RNF157: variants seen among roughly 807,000 people sequenced by gnomAD.
RNF157 encodes the protein ring finger protein 157.
In RNF157, 55 loss-of-function variants were observed where a neutral mutation model predicts 88.3. That is an observed-to-expected ratio of 0.62 (90% CI 0.50 to 0.78). The LOEUF is 0.78. Among genes scored for constraint, RNF157 ranks in the 30% least tolerant of loss-of-function variants. RNF157 has a pLI of 0.00. For missense variants in RNF157, 788 were observed against 860.8 expected (o/e 0.92, Z 1.06); for synonymous variants, 334 against 341.2 (o/e 0.98, Z 0.23).
intron 2 of RNF157, among the ~76,000 whole-genome samples, chr17:76,210,096 A>C (rs1366703882): frequency 1.3e-5 from 2 of 152,172 alleles, no homozygotes; most frequent in Non-Finnish European, 2.9e-5. Context: ...ACTCCCTGTG[A>C]GTGAGGCAAC....
Position 76,213,641 on chromosome 17 carries a change from G to A in RNF157, c.89-1159C>T, listed in dbSNP as rs1164343169. On this transcript the variant is annotated intron_variant, in intron 1 of 18. Coordinates refer to ENST00000269391, the MANE Select transcript of RNF157 (RefSeq NM_052916.3). ...TTTTTTTGTCTTTACATATGCTAAT[G>A]AATTAACCACTGCCTGGCAGCCCCT... is the stretch of plus-strand genomic sequence containing the variant. Among the ~76,000 whole-genome samples the A allele has an allele frequency of 2.0e-5, 3 of 150,470 alleles. No homozygotes were observed. In the South Asian group the frequency reaches 6.3e-4, roughly 31 times the overall value.
intron 1 of RNF157, among the ~76,000 whole-genome samples, chr17:76,219,144 G>A (rs910599919): frequency 3.3e-5 from 5 of 151,832 alleles, no homozygotes; most frequent in African/African-American, 4.8e-5. Context: ...ATTATTCACA[G>A]TAGGAAACTA....
intron 2 of RNF157, among the ~76,000 whole-genome samples, chr17:76,181,014 T>A (rs981904649): frequency 6.6e-6 from 1 of 151,954 alleles, no homozygotes; most frequent in African/African-American, 2.4e-5. Context: ...TTAAACAAAC[T>A]GACATTCTAC....
chr17:76,166,054 A>C (rs1446014494), intron 6 of RNF157, among the ~76,000 whole-genome samples: 2 of 151,406 alleles, frequency 1.3e-5, no homozygotes, highest in Non-Finnish European at 2.9e-5. Flanking sequence ...GGCTCACTGC[A>C]ACCTCCGCCT....
chr17:76,225,852 C>G (rs2070073563), intron 1 of RNF157: 3 of 1,612,750 alleles, frequency 1.9e-6, no homozygotes, highest in Non-Finnish European at 1.7e-6. Flanking sequence ...TCTTTTAGAG[C>G]CTCGTTCTTC....
chr17:76,159,394 A>G lies in RNF157; in HGVS notation c.1245T>C (p.Pro415=). ...TGCTGCTGTCAGACAGGCGGTCAAGAGGCGAGATCGTCCTGACGGGGGGCA... is the reference window on the plus strand; with the variant it reads ...TGCTGCTGTCAGACAGGCGGTCAAGGGGCGAGATCGTCCTGACGGGGGGCA... ...GHLPPVRTIS[P]LDRLSDSSSQ... Residue 415 remains proline, a synonymous_variant, in exon 12 of 19, where the codon CCT becomes CCC. Transcript: ENST00000269391. 6.2e-7 allele frequency: 1 copy of G among 1,613,404 alleles called. No homozygotes were observed. The highest frequency in any genetic ancestry group is 1.7e-5 in the Admixed American group (1 of 59,876).
At chr17:76,166,588 C>T in intron 5 of RNF157, 61 bp from the exon 6 acceptor site, 1 of 1,338,928 alleles carries the variant, frequency 7.5e-7, no homozygotes, top group South Asian at 1.2e-5. Flanking sequence ...CATGGCACAG[C>T]TAATCTCAGA....
intron 2 of RNF157, among the ~76,000 whole-genome samples, chr17:76,203,108 A>C (rs2144988734): frequency 6.6e-6 from 1 of 152,104 alleles, no homozygotes; most frequent in East Asian, 1.9e-4. Context: ...CTTATGCCTC[A>C]GCCTCCCAAG....
chr17:76,236,868 G>C (rs1219948429), intron 1 of RNF157, among the ~76,000 whole-genome samples: 4 of 151,500 alleles, frequency 2.6e-5, no homozygotes, highest in African/African-American at 9.8e-5. Flanking sequence ...AACAGAGCAA[G>C]GTGTAGAACA....
chr17:76,152,554 CA>C (rs201297855), intron 17 of RNF157, 89 bp from the exon 18 acceptor site: 17 of 735,340 alleles, frequency 2.3e-5, no homozygotes, highest in South Asian at 3.2e-5. Context: ...AGGATGGAGA[CA>C]AAAAAAATCA....
chr17:76,193,851 G>A (rs932245335), intron 2 of RNF157, among the ~76,000 whole-genome samples: 1 of 152,134 alleles, frequency 6.6e-6, no homozygotes, highest in Non-Finnish European at 1.5e-5. Flanking sequence ...TGAGATTAGC[G>A]CCTGGCCGAG....
At chr17:76,238,299 G>C (rs2070316604) in intron 1 of RNF157, among the ~76,000 whole-genome samples, 1 of 152,156 alleles carries the variant, frequency 6.6e-6, no homozygotes, top group South Asian at 2.1e-4. Flanking sequence ...AGGATGTTCT[G>C]ATTCTATTTT....
intron 9 of RNF157, among the ~76,000 whole-genome samples, chr17:76,162,348 T>C (rs1306498227): frequency 1.3e-5 from 2 of 152,220 alleles, no homozygotes; most frequent in African/African-American, 4.8e-5. Context: ...GACAGAGCTC[T>C]GTGGCAGAAC....
At chr17:76,191,615 A>C (rs1462883414) in intron 2 of RNF157, among the ~76,000 whole-genome samples, 6 of 151,646 alleles carry the variant, frequency 4.0e-5, no homozygotes, top group East Asian at 3.9e-4. Flanking sequence ...AAAAAAAAAA[A>C]AAAAAAACAT....
At chr17:76,165,191 C>A (rs1483233662) in intron 7 of RNF157, among the ~76,000 whole-genome samples, 1 of 152,104 alleles carries the variant, frequency 6.6e-6, no homozygotes, top group African/African-American at 2.4e-5. Flanking sequence ...TAAGGGGGGA[C>A]TACTGTACAC....
At chr17:76,239,203 A>T (rs2070331642) in intron 1 of RNF157, among the ~76,000 whole-genome samples, 2 of 152,222 alleles carry the variant, frequency 1.3e-5, no homozygotes, top group African/African-American at 4.8e-5. Flanking sequence ...AATTAATTAA[A>T]ATAAAACTAC....
In RNF157 at chr17:76,167,663, T is replaced by C. The variant is rs141337312; in HGVS notation, c.431A>G (p.Asn144Ser). The C allele has an allele frequency of 3.1e-6, 5 of 1,613,994 alleles. No homozygotes were observed. The highest frequency in any genetic ancestry group is 1.3e-5 in the African/African-American group (1 of 74,908). The change falls in exon 4 of 19, where the codon AAT becomes AGT. Residue 144 changes from asparagine to serine, a missense_variant. By Grantham distance (46) the Asn-to-Ser change is conservative (BLOSUM62 1). Transcript: ENST00000269391. ...CTCCTGATCTTACCTGGCAATACCA[T>C]TCTGGAACTCTTCCGTGGCCTGGTA... ...IYYQATEEFQ[N>S]GIASYIPKDN... is the part of the protein sequence containing the mutation.
chr17:76,178,285 C>T (rs1311514516), intron 2 of RNF157, among the ~76,000 whole-genome samples: 1 of 152,230 alleles, frequency 6.6e-6, no homozygotes, highest in African/African-American at 2.4e-5. Context: ...CTTCCGGGTG[C>T]CACCACATTC....
At chr17:76,158,033 C>T (rs1180057079) in intron 13 of RNF157, among the ~76,000 whole-genome samples, 4 of 152,142 alleles carry the variant, frequency 2.6e-5, no homozygotes, top group Non-Finnish European at 5.9e-5. Flanking sequence ...CCAGCCGTGA[C>T]ACTCCCTTCC....
Sources: gnomAD v4.1 joint callset for allele counts (sites outside exome capture counted in the v4.1 genomes callset) on GRCh38, gnomAD v4.1.1 for gene constraint, MANE v1.5 for transcripts, NCBI Gene and HGNC (gene_info 2026-07-23, HGNC 2026-07-21) for gene names.